Variants in CPLX1 observed in about 807,000 individuals in gnomAD.
The protein encoded by CPLX1 is complexin 1.
In CPLX1, 6 loss-of-function variants were observed where a neutral mutation model predicts 15.6. The observed-to-expected ratio is 0.39, with a 90% CI of 0.21 to 0.76. The LOEUF is 0.76. Ranked by LOEUF, CPLX1 falls within the 30% of genes least tolerant of loss-of-function variation. The pLI, the probability that CPLX1 is intolerant of heterozygous loss-of-function variation, is 0.43. For synonymous variants in CPLX1, 91 were observed against 75.2 expected (o/e 1.21, Z -1.08); for missense variants, 242 against 188.6 (o/e 1.28, Z -1.66).
At position 786,702 on chromosome 4, in the gene CPLX1, C is replaced by A; in HGVS notation, c.208-4G>T. ...CCTCCTTCTTCTTGATGCCGTACTG[C>A]GGGGGAGGCGGGGGTCAGGGCGGGG... is the stretch of plus-strand genomic sequence containing the variant. On this transcript the variant is annotated splice_polypyrimidine_tract_variant and splice_region_variant and intron_variant, in intron 3 of 3. Transcript: ENST00000304062. 1 of 1,546,770 alleles carries A rather than the reference C, an allele frequency of 6.5e-7. No homozygotes were observed. The highest frequency in any genetic ancestry group is 8.8e-7 in the Non-Finnish European group (1 of 1,141,118).
intron 2 of CPLX1, among the ~76,000 whole-genome samples, chr4:793,129 C>T (rs549966435): frequency 6.6e-6 from 1 of 152,278 alleles, no homozygotes; most frequent in East Asian, 1.9e-4. Context: ...GGGGTTGAAG[C>T]GTCTTCTCTG....
At chr4:824,302 C>T (rs1011565602) in intron 2 of CPLX1, among the ~76,000 whole-genome samples, 190 bp downstream of exon 2, 7 of 152,222 alleles carry the variant, frequency 4.6e-5, no homozygotes, top group Non-Finnish European at 8.8e-5. Flanking sequence ...CTCGGGGCCT[C>T]GAAAAGGGCC....
chr4:821,441 G>A (rs1214420378), intron 2 of CPLX1, among the ~76,000 whole-genome samples: 3 of 152,188 alleles, frequency 2.0e-5, no homozygotes, highest in Non-Finnish European at 4.4e-5. Flanking sequence ...CATTCCCGAG[G>A]ACCTGAGCGT....
chr4:808,149 G>A (rs1337861231), intron 2 of CPLX1, among the ~76,000 whole-genome samples: 1 of 152,098 alleles, frequency 6.6e-6, no homozygotes, highest in Non-Finnish European at 1.5e-5. Context: ...CACACCTGTT[G>A]TCTCAGCTAC....
At chr4:800,776 G>C (rs11724278) in intron 2 of CPLX1, among the ~76,000 whole-genome samples, 31,831 of 137,944 alleles carry the variant, frequency 0.23, 4,451 homozygotes, top group Middle Eastern at 0.36. Context: ...TACACACACA[G>C]ACACATATAT....
intron 2 of CPLX1, among the ~76,000 whole-genome samples, chr4:793,850 C>T (rs551758090): frequency 5.9e-5 from 9 of 152,342 alleles, no homozygotes; most frequent in Non-Finnish European, 5.9e-5. Context: ...GGACTGCCCC[C>T]GACCAGCTGA....
intron 3 of CPLX1, chr4:787,265 G>A: frequency 1.0e-5 from 10 of 985,366 alleles, no homozygotes; most frequent in Non-Finnish European, 1.2e-5. Context: ...GTCACTTCCA[G>A]GCACTGGGTG....
intron 2 of CPLX1, among the ~76,000 whole-genome samples, chr4:813,399 G>A (rs551013187): frequency 2.0e-4 from 30 of 152,164 alleles, no homozygotes; most frequent in Non-Finnish European, 2.9e-4. Flanking sequence ...CTCTGCAGAG[G>A]GAGATGCTGC....
At chr4:818,815 G>A (rs540500196) in intron 2 of CPLX1, among the ~76,000 whole-genome samples, 18 of 152,358 alleles carry the variant, frequency 1.2e-4, no homozygotes, top group African/African-American at 3.1e-4. Flanking sequence ...AGAGCTGGGC[G>A]CTCGGTCCGC....
At chr4:800,709 A>C (rs1746434954) in intron 2 of CPLX1, among the ~76,000 whole-genome samples, 1 of 119,768 alleles carries the variant, frequency 8.3e-6, no homozygotes, top group Non-Finnish European at 1.8e-5. Flanking sequence ...CAAAATGGGG[A>C]AACCCCGTCT....
At chr4:805,629 GTC>G (rs1388117412) in intron 2 of CPLX1, among the ~76,000 whole-genome samples, 1 of 152,220 alleles carries the variant, frequency 6.6e-6, no homozygotes, top group Non-Finnish European at 1.5e-5. Flanking sequence ...TGAAAGCAGA[GTC>G]TCTCACAGAT....
intron 2 of CPLX1, among the ~76,000 whole-genome samples, chr4:820,506 G>T (rs1021583619): frequency 1.3e-5 from 2 of 152,218 alleles, no homozygotes; most frequent in Non-Finnish European, 2.9e-5. Flanking sequence ...ATCAGGGCAG[G>T]ATTGCCCAGA....
In CPLX1 at chr4:786,588, C is replaced by G. The variant is rs753593065; in HGVS notation, c.318G>C (p.Gly106=). The G allele has an allele frequency of 2.5e-6, 4 of 1,611,066 alleles. No individual in the cohort carries two copies. Among genetic ancestry groups the G allele is most frequent in the South Asian group, 2.2e-5 (2 of 90,542 alleles). The change falls in exon 4 of 4, where the codon GGG becomes GGC. Residue 106 remains glycine (G), a synonymous_variant. Transcript: ENST00000304062. ...TCTCGTCCTCCTCCTCCACCTCGTCCCCGCAGCCCGGCGGGATGGCCTTCT... is the reference window on the plus strand; with the variant it reads ...TCTCGTCCTCCTCCTCCACCTCGTCGCCGCAGCCCGGCGGGATGGCCTTCT... ...RPKKAIPPGC[G]DEVEEEDESI...
At chr4:807,290 CAG>C (rs779083187) in intron 2 of CPLX1, among the ~76,000 whole-genome samples, 2 of 152,186 alleles carry the variant, frequency 1.3e-5, no homozygotes, top group South Asian at 2.1e-4. Flanking sequence ...CACATGGACA[CAG>C]GGAGGGGAAA....
intron 2 of CPLX1, among the ~76,000 whole-genome samples, chr4:800,972 G>A (rs34951963): frequency 0.014 from 2,067 of 151,232 alleles, 24 homozygotes; most frequent in South Asian, 0.032. Context: ...AGCCAAGATC[G>A]TGCCACTGCA....
At chr4:819,695 G>C (rs918976724) in intron 2 of CPLX1, among the ~76,000 whole-genome samples, 2 of 152,212 alleles carry the variant, frequency 1.3e-5, no homozygotes, top group East Asian at 3.9e-4. Flanking sequence ...AGTAGGACGG[G>C]CCCACCCTGG....
chr4:825,872 G>A (rs1253580911), intron 1 of CPLX1, among the ~76,000 whole-genome samples, 174 bp downstream of exon 1: 1 of 142,728 alleles, frequency 7.0e-6, no homozygotes, highest in Non-Finnish European at 1.6e-5. Context: ...AGCGGAGGCC[G>A]GGGGGAGGAG....
At chr4:825,628 G>C (rs937235319) in intron 1 of CPLX1, among the ~76,000 whole-genome samples, 1 of 151,800 alleles carries the variant, frequency 6.6e-6, no homozygotes, top group Non-Finnish European at 1.5e-5. Context: ...AGGGAGGAGA[G>C]GGGGAGCCTC....
rs1325175054 is a variant in CPLX1, at chr4:785,153, G to A, written c.*1348C>T. 1 of 152,308 alleles carries A rather than the reference G, an allele frequency of 6.6e-6. No individual in the cohort carries two copies. The highest frequency in any genetic ancestry group is 1.5e-5 in the Non-Finnish European group (1 of 68,074). 9.4% of individuals were successfully genotyped at this position (152,308 alleles called of 1,614,324 possible). A position where few individuals can be genotyped will look rare whatever the true frequency, so the allele number is the denominator to read the frequency against. Reference sequence around the variant, plus strand: ...CGAGAGGACGCCCTGTCTGCTCAGAGCTGGCTTTGTAAGGTGTGAAAACAG... The same window carrying A: ...CGAGAGGACGCCCTGTCTGCTCAGAACTGGCTTTGTAAGGTGTGAAAACAG... On this transcript the variant is annotated 3_prime_UTR_variant, in exon 4 of 4. Coordinates refer to ENST00000304062, the MANE Select transcript of CPLX1 (RefSeq NM_006651.4).
Sources: allele counts gnomAD v4.1 joint callset (sites outside exome capture counted in the v4.1 genomes callset), GRCh38; gene constraint gnomAD v4.1.1; transcripts MANE v1.5; gene names NCBI Gene and HGNC (gene_info 2026-07-23, HGNC 2026-07-21).